The following NME2 variants were observed in gnomAD, a reference collection of about 807,000 sequenced individuals.
The protein encoded by NME2 is nucleoside diphosphate kinase B.
Under a neutral mutation model 17.8 loss-of-function variants are expected in NME2, and 18 were observed. The observed-to-expected ratio is 1.01, with a 90% confidence interval of 0.70 to 1.50. The LOEUF (loss-of-function observed/expected upper bound fraction) is 1.50, where lower values mean the gene tolerates loss of function less well. NME2 is among the 40% of genes most tolerant of loss of function. The pLI is 0.00. For missense variants in NME2, 161 were observed against 195.6 expected (o/e 0.82, Z 1.05); for synonymous variants, 74 against 71.4 (o/e 1.04, Z -0.19).
At chr17:51,167,167 C>T (rs1021271744) in intron 2 of NME2, 3 of 1,100,224 alleles carry the variant, frequency 2.7e-6, no homozygotes, top group South Asian at 1.7e-5. Context: ...GCGCTGGTAG[C>T]GTGACTCGCC....
At position 51,170,057 on chromosome 17, in the gene NME2, C is replaced by A. The variant is rs775692181; in HGVS notation, c.341+8C>A. ...CTGCATTCAGGTTGGCAGGTAAGTC[C>A]GGGGACAGGAGGGTGGATGACTTTT... On this transcript the variant is annotated splice_region_variant and intron_variant, in intron 4 of 4. Coordinates refer to ENST00000512737, the MANE Select transcript of NME2 (RefSeq NM_002512.4). 1 of 1,602,466 alleles carries A rather than the reference C, an allele frequency of 6.2e-7. No homozygotes were observed. Among genetic ancestry groups the A allele is most frequent in the Non-Finnish European group, 8.5e-7 (1 of 1,174,662 alleles).
intron 3 of NME2, among the ~76,000 whole-genome samples, chr17:51,168,725 A>G (rs2050001607): frequency 6.6e-6 from 1 of 151,830 alleles, no homozygotes; most frequent in East Asian, 1.9e-4. Context: ...TCTATGGTTA[A>G]ATAGAATCTC....
At chr17:51,166,115 C>CTGTGTGTG (rs34942810), upstream of NME2, among the ~76,000 whole-genome samples, 40 of 148,966 alleles carry the variant, frequency 2.7e-4, no homozygotes, top group Non-Finnish European at 4.2e-4. Flanking sequence ...GGAGCAGGTT[C>CTGTGTGTG]TGTGTGTGTG....
At chr17:51,170,998 C>G (rs1412417766) in intron 4 of NME2, among the ~76,000 whole-genome samples, 3 of 152,180 alleles carry the variant, frequency 2.0e-5, no homozygotes, top group Non-Finnish European at 4.4e-5. Flanking sequence ...TGTACACAGT[C>G]TGTTCAAAAC....
At chr17:51,167,266 C>T (rs2049965862) in intron 2 of NME2, 2 of 410,668 alleles carry the variant, frequency 4.9e-6, no homozygotes, top group Non-Finnish European at 8.8e-6. Context: ...GGGCCCCAGA[C>T]CCCCTGCGCC....
intron 2 of NME2, among the ~76,000 whole-genome samples, chr17:51,167,714 G>A (rs1016811071): frequency 3.9e-5 from 6 of 152,300 alleles, no homozygotes; most frequent in Admixed American, 3.3e-4. Flanking sequence ...TTGGCCAGGC[G>A]CGGGGCTCAC....
Position 51,168,398 on chromosome 17 carries a change from G to T in NME2, c.228+55G>T. 3 of 1,558,220 alleles carry T rather than the reference G, an allele frequency of 1.9e-6. No individual in the cohort carries two copies. In the Admixed American group the frequency reaches 5.1e-5, roughly 27 times the overall value. ...GAGGAAAAAGTGCTCAGTGTTCTTT[G>T]TTAGACATCTCCCTCAGCTAATCTA... On this transcript the variant is annotated intron_variant, in intron 3 of 4. Transcript: ENST00000512737.
intron 4 of NME2, among the ~76,000 whole-genome samples, chr17:51,170,316 ATTTT>A (rs1050245912): frequency 4.0e-5 from 6 of 151,138 alleles, no homozygotes; most frequent in African/African-American, 1.5e-4. Flanking sequence ...TAATTTTTGT[ATTTT>A]TAGTAGAGAT....
At chr17:51,169,869 A>C in intron 3 of NME2, 68 bp from the exon 4 acceptor site, 4 of 1,383,352 alleles carry the variant, frequency 2.9e-6, no homozygotes, top group Non-Finnish European at 4.1e-6. Context: ...GTCAGGTAGG[A>C]GTAAATGTTA....
Position 51,170,056 on chromosome 17 carries a change from C to A in NME2, c.341+7C>A, listed in dbSNP as rs2050035482. On this transcript the variant is annotated splice_region_variant and intron_variant, in intron 4 of 4. Coordinates refer to ENST00000512737, the MANE Select transcript of NME2 (RefSeq NM_002512.4). Reference sequence around the variant, plus strand: ...TCTGCATTCAGGTTGGCAGGTAAGTCCGGGGACAGGAGGGTGGATGACTTT... The same window carrying A: ...TCTGCATTCAGGTTGGCAGGTAAGTACGGGGACAGGAGGGTGGATGACTTT... 6 of 1,603,198 alleles carry A rather than the reference C, an allele frequency of 3.7e-6. No homozygotes were observed. Among genetic ancestry groups the A allele is most frequent in the Admixed American group, 1.7e-5 (1 of 58,212 alleles).
intron 4 of NME2, 150 bp downstream of exon 4, chr17:51,170,199 T>A: frequency 1.6e-6 from 1 of 623,050 alleles, no homozygotes; most frequent in Non-Finnish European, 2.6e-6. Flanking sequence ...TGGAGTGCAG[T>A]GGTGCCATCT....
chr17:51,170,336 C>T (rs2050044663), intron 4 of NME2, among the ~76,000 whole-genome samples: 1 of 151,526 alleles, frequency 6.6e-6, no homozygotes, highest in Admixed American at 6.6e-5. Flanking sequence ...GAGATGGTTT[C>T]ACCACGTTGG....
At chr17:51,166,101 C>T (rs1210854555), upstream of NME2, among the ~76,000 whole-genome samples, 1 of 142,222 alleles carries the variant, frequency 7.0e-6, no homozygotes, top group African/African-American at 2.7e-5. Context: ...AGAACTCGAG[C>T]ACAGGAGCAG....
chr17:51,169,270 A>C (rs2050015689), intron 3 of NME2: 1 of 151,802 alleles, frequency 6.6e-6, no homozygotes, highest in African/African-American at 2.4e-5. Flanking sequence ...GTGAAACCCC[A>C]TCTCTACTAA....
intron 2 of NME2, 102 bp from the exon 3 acceptor site, chr17:51,168,140 G>C: frequency 1.0e-6 from 1 of 973,000 alleles, no homozygotes; most frequent in South Asian, 1.5e-5. Context: ...ACTTAGGAAC[G>C]TGGGCTAGAA....
intron 3 of NME2, chr17:51,169,709 T>C: frequency 2.2e-6 from 1 of 462,654 alleles, no homozygotes; most frequent in Middle Eastern, 5.7e-4. Flanking sequence ...TGTTTATCTC[T>C]GTCTCAGCTA....
intron 3 of NME2, chr17:51,169,669 G>C (rs1330033553): frequency 2.8e-6 from 1 of 362,048 alleles, no homozygotes; most frequent in Non-Finnish European, 5.0e-6. Context: ...GTTCTTCTGT[G>C]TTGATGGCTG....
intron 2 of NME2, among the ~76,000 whole-genome samples, chr17:51,167,715 C>T (rs1366264192): frequency 1.3e-5 from 2 of 152,142 alleles, no homozygotes; most frequent in African/African-American, 4.8e-5. Context: ...TGGCCAGGCG[C>T]GGGGCTCACG....
chr17:51,171,654 G>C lies in NME2; in HGVS notation c.*50G>C, dbSNP rs188272476. 34 of 1,352,204 alleles carry C rather than the reference G, an allele frequency of 2.5e-5. No individual in the cohort carries two copies. In the East Asian group the frequency reaches 7.8e-4, roughly 31 times the overall value. 83.8% of individuals were successfully genotyped at this position (1,352,204 alleles called of 1,614,324 possible). A position where few individuals can be genotyped will look rare whatever the true frequency, so the allele number is the denominator to read the frequency against. Reference sequence around the variant, plus strand: ...TTCAGCACGGCGTGGTGTGTCCCTGGACACAGCTCTTCATTCCATTGACTT... The same window carrying C: ...TTCAGCACGGCGTGGTGTGTCCCTGCACACAGCTCTTCATTCCATTGACTT... On this transcript the variant is annotated 3_prime_UTR_variant, in exon 5 of 5. Coordinates refer to ENST00000512737, the MANE Select transcript of NME2 (RefSeq NM_002512.4).
Sources: gnomAD v4.1 joint callset for allele counts (sites outside exome capture counted in the v4.1 genomes callset) on GRCh38, gnomAD v4.1.1 for gene constraint, MANE v1.5 for transcripts, NCBI Gene and HGNC (gene_info 2026-07-23, HGNC 2026-07-21) for gene names.